Variants in DDR2 observed in about 807,000 individuals in gnomAD.
DDR2 encodes the protein discoidin domain receptor tyrosine kinase 2, also known as discoidin domain-containing receptor 2.
In DDR2, 27 loss-of-function variants were observed where a neutral mutation model predicts 94.9. The observed-to-expected ratio is 0.28, with a 90% CI of 0.21 to 0.39. The LOEUF (loss-of-function observed/expected upper bound fraction) is 0.39, where lower values mean the gene tolerates loss of function less well. Among genes scored for constraint, DDR2 ranks in the 10% least tolerant of loss-of-function variants. DDR2 has a pLI of 1.00. For synonymous variants in DDR2, 382 were observed against 377.2 expected (o/e 1.01, Z -0.15); for missense variants, 783 against 1,076.0 (o/e 0.73, Z 3.81).
intron 2 of DDR2, among the ~76,000 whole-genome samples, chr1:162,692,749 G>A (rs1272221426): frequency 1.3e-5 from 2 of 152,158 alleles, no homozygotes; most frequent in East Asian, 3.8e-4. Flanking sequence ...TTATTAAAAT[G>A]GAACATTTGC....
intron 2 of DDR2, among the ~76,000 whole-genome samples, chr1:162,715,700 A>G (rs755171241): frequency 1.3e-5 from 2 of 152,246 alleles, no homozygotes; most frequent in Admixed American, 1.3e-4. Context: ...TAACCTGATT[A>G]GCTTTAACCT....
chr1:162,701,549 CT>C (rs978478278), intron 2 of DDR2, among the ~76,000 whole-genome samples: 1 of 152,182 alleles, frequency 6.6e-6, no homozygotes, highest in African/African-American at 2.4e-5. Flanking sequence ...AGTTAACCTG[CT>C]TTTGCACTCT....
chr1:162,707,327 G>C (rs1660706112), intron 2 of DDR2, among the ~76,000 whole-genome samples: 1 of 152,212 alleles, frequency 6.6e-6, no homozygotes, highest in African/African-American at 2.4e-5. Context: ...TCAGGGATTG[G>C]TGAGGATGGA....
intron 2 of DDR2, among the ~76,000 whole-genome samples, chr1:162,662,384 C>A (rs1447181495): frequency 6.6e-6 from 1 of 152,156 alleles, no homozygotes; most frequent in African/African-American, 2.4e-5. Flanking sequence ...GGTGACATAA[C>A]CACCCCAGCT....
intron 1 of DDR2, among the ~76,000 whole-genome samples, chr1:162,640,556 A>T (rs1380960358): frequency 6.6e-6 from 1 of 152,190 alleles, no homozygotes; most frequent in Non-Finnish European, 1.5e-5. Context: ...AAATCTGCCC[A>T]ATCTCCAAAT....
chr1:162,668,199 G>A (rs570643305), intron 2 of DDR2, among the ~76,000 whole-genome samples: 92 of 152,306 alleles, frequency 6.0e-4, no homozygotes, highest in Admixed American at 4.6e-3. Context: ...CCAGCAGCCT[G>A]TTTGTAAATA....
rs567349428 is a variant in DDR2, at chr1:162,639,124, A to G, written c.-192+6493A>G. ...GGGATTACAGACATGCACCACCATGACTGGCCTCAACCAGCTGATTCTAAA... is the reference window on the plus strand; with the variant it reads ...GGGATTACAGACATGCACCACCATGGCTGGCCTCAACCAGCTGATTCTAAA... On this transcript the variant is annotated intron_variant, in intron 1 of 17. Coordinates refer to ENST00000367921, the MANE Select transcript of DDR2 (RefSeq NM_006182.4). 7.2e-5 allele frequency among the ~76,000 whole-genome samples: 11 copies of G among 152,200 alleles called. No homozygotes were observed. In the East Asian group the frequency reaches 2.1e-3, roughly 29 times the overall value.
chr1:162,756,428 A>G (rs931268261), intron 7 of DDR2, among the ~76,000 whole-genome samples: 5 of 152,222 alleles, frequency 3.3e-5, no homozygotes, highest in Non-Finnish European at 1.5e-5. Flanking sequence ...GTGACCAGAT[A>G]TAGTAGGAAC....
Position 162,755,759 on chromosome 1 carries a change from G to C in DDR2, c.661G>C (p.Val221Leu). 1 of 1,614,054 alleles carries C rather than the reference G, an allele frequency of 6.2e-7. No individual in the cohort carries two copies. The highest frequency in any genetic ancestry group is 8.5e-7 in the Non-Finnish European group (1 of 1,179,888). The change falls in exon 7 of 18, where the codon GTT (valine) becomes CTT (leucine). Residue 221 changes from valine to leucine, a missense_variant. By Grantham distance (32) the Val-to-Leu change is conservative (BLOSUM62 1). Around this residue, in one of 2 missense-constraint regions of DDR2, gnomAD observed 519 missense variants for 647.9 expected, o/e 0.80. Coordinates refer to ENST00000367921, the MANE Select transcript of DDR2 (RefSeq NM_006182.4). ...YLNDSVYDGA[V>L]GYSMTEGLGQ... is the part of the protein sequence containing the mutation. ...GAATGATTCTGTCTATGATGGAGCTGTTGGATACAGGTAAATCCTGGGAAA... is the reference window on the plus strand; with the variant it reads ...GAATGATTCTGTCTATGATGGAGCTCTTGGATACAGGTAAATCCTGGGAAA...
intron 3 of DDR2, among the ~76,000 whole-genome samples, chr1:162,723,400 C>G (rs1041182520): frequency 6.6e-6 from 1 of 152,086 alleles, no homozygotes. Context: ...GGGAAAGAGA[C>G]CCCACAATCA....
Position 162,770,334 on chromosome 1 carries a change from A to G in DDR2, c.1326A>G (p.Thr442=), listed in dbSNP as rs201539509. Residue 442 remains threonine, a synonymous_variant, in exon 12 of 18, where the codon ACA becomes ACG. Coordinates refer to ENST00000367921, the MANE Select transcript of DDR2 (RefSeq NM_006182.4). ...ASRRMLDDEM[T]VSLSLPSDSS... is the part of the protein sequence containing the mutation. Reference sequence around the variant, plus strand: ...GGAGGATGCTGGATGATGAAATGACAGTCAGCCTTTCCCTGCCAAGTGATT... The same window carrying G: ...GGAGGATGCTGGATGATGAAATGACGGTCAGCCTTTCCCTGCCAAGTGATT... The G allele has an allele frequency of 7.4e-6, 12 of 1,614,048 alleles. No homozygotes were observed. In the African/African-American group the frequency reaches 1.5e-4, roughly 20 times the overall value.
chr1:162,771,520 G>T (rs1647213345), intron 12 of DDR2, among the ~76,000 whole-genome samples: 1 of 152,136 alleles, frequency 6.6e-6, no homozygotes, highest in Non-Finnish European at 1.5e-5. Context: ...ATTTCTTGGG[G>T]TGAATGGAAG....
chr1:162,735,404 G>T (rs1662251112), intron 3 of DDR2, among the ~76,000 whole-genome samples: 1 of 152,132 alleles, frequency 6.6e-6, no homozygotes, highest in Non-Finnish European at 1.5e-5. Context: ...CTGCATTAGG[G>T]TCATCTAGAG....
chr1:162,743,792 A>G lies in DDR2; in HGVS notation c.83-9303A>G, dbSNP rs376932503. Among the ~76,000 whole-genome samples, 3 of 152,228 alleles carry G rather than the reference A, an allele frequency of 2.0e-5. No homozygotes were observed. In the South Asian group the frequency reaches 6.2e-4, roughly 31 times the overall value. On this transcript the variant is annotated intron_variant, in intron 3 of 17. Transcript: ENST00000367921. Reference sequence around the variant, plus strand: ...TTTGACTTACATATAAACCTGTGAAATCATCACCATAATCAAGATAATGAC... The same window carrying G: ...TTTGACTTACATATAAACCTGTGAAGTCATCACCATAATCAAGATAATGAC...
intron 1 of DDR2, among the ~76,000 whole-genome samples, chr1:162,647,795 G>T (rs1657488868): frequency 1.3e-5 from 2 of 152,178 alleles, no homozygotes; most frequent in African/African-American, 4.8e-5. Context: ...ATGACCACAG[G>T]TCACTTTCAT....
At chr1:162,702,358 A>G (rs1660470991) in intron 2 of DDR2, among the ~76,000 whole-genome samples, 1 of 152,286 alleles carries the variant, frequency 6.6e-6, no homozygotes, top group Non-Finnish European at 1.5e-5. Context: ...CTATGCAAGC[A>G]GCTTATACTT....
chr1:162,767,808 G>GTGTGTGTGTT (rs545214289), intron 11 of DDR2, among the ~76,000 whole-genome samples: 138 of 1,682 alleles, frequency 0.082, 1 homozygote, highest in East Asian at 0.39. Flanking sequence ...TGTCTGTTTG[G>GTGTGTGTGTT]TGTGTGTGTG....
chr1:162,648,625 AAAAAACAAACAAAC>A (rs1657531775), intron 1 of DDR2, among the ~76,000 whole-genome samples: 1 of 152,098 alleles, frequency 6.6e-6, no homozygotes, highest in Non-Finnish European at 1.5e-5. Flanking sequence ...GGAAAAAATT[AAAAAACAAACAAAC>A]AAAAACAAAA....
intron 2 of DDR2, among the ~76,000 whole-genome samples, chr1:162,681,070 T>G (rs556452564): frequency 3.9e-5 from 6 of 152,284 alleles, no homozygotes; most frequent in African/African-American, 1.4e-4. Context: ...GAAACCAGAC[T>G]TTAAGCCTGG....
Sources: gnomAD v4.1 joint callset for allele counts (sites outside exome capture counted in the v4.1 genomes callset) on GRCh38, gnomAD v4.1.1 for gene constraint, gnomAD v4.1.1 regional missense constraint, MANE v1.5 for transcripts, NCBI Gene and HGNC (gene_info 2026-07-23, HGNC 2026-07-21) for gene names.